Variants in SEMA5A observed in about 807,000 individuals in gnomAD.
The protein encoded by SEMA5A is semaphorin 5A.
A neutral mutation model predicts 135.5 loss-of-function variants in SEMA5A; 55 were observed. The observed-to-expected ratio is 0.41, with a 90% CI of 0.33 to 0.51. The LOEUF (loss-of-function observed/expected upper bound fraction) is 0.51. Ranked by LOEUF, SEMA5A falls within the 20% of genes least tolerant of loss-of-function variation. The pLI is 0.37. For missense variants in SEMA5A, 1,290 were observed against 1,419.9 expected (o/e 0.91, Z 1.47); for synonymous variants, 580 against 546.5 (o/e 1.06, Z -0.85).
Position 9,473,383 on chromosome 5 carries a change from T to TAAAAAAAAAA in SEMA5A, c.-174-35541_-174-35532dup, listed in dbSNP as rs58137756. On this transcript the variant is annotated intron_variant, in intron 1 of 22. Transcript: ENST00000382496. ...ATTGGCTGCATATGGCAATCAGTGG[T>TAAAAAAAAAA]AAAAAAAAAAAAAAAAAAAAAGACT... is the stretch of plus-strand genomic sequence containing the variant. Among the ~76,000 whole-genome samples, 75 of 79,692 alleles carry TAAAAAAAAAA rather than the reference T, an allele frequency of 9.4e-4. 4 individuals are homozygous for TAAAAAAAAAA. Among genetic ancestry groups the TAAAAAAAAAA allele is most frequent in the East Asian group, 4.2e-3 (9 of 2,130 alleles). 52.3% of individuals were successfully genotyped at this position (79,692 alleles called of 152,430 possible). A position where few individuals can be genotyped will look rare whatever the true frequency, so the allele number is the denominator to read the frequency against.
rs116175784 is a variant in SEMA5A, at chr5:9,464,004, C to T, written c.-174-26152G>A. Among the ~76,000 whole-genome samples, 611 of 152,210 alleles carry T rather than the reference C, an allele frequency of 4.0e-3. 8 individuals carry two copies. Among genetic ancestry groups the T allele is most frequent in the African/African-American group, 0.014 (591 of 41,506 alleles). On this transcript the variant is annotated intron_variant, in intron 1 of 22. Coordinates refer to ENST00000382496, the MANE Select transcript of SEMA5A (RefSeq NM_003966.3). The stretch of plus-strand genomic sequence containing the variant: ...TGCTGTATTCAGATTTTCTAAACCT[C>T]GACACTGTTGACATCTGGGGCCAGA...
At chr5:9,245,012 A>T (rs1320370243) in intron 5 of SEMA5A, among the ~76,000 whole-genome samples, 3 of 152,196 alleles carry the variant, frequency 2.0e-5, no homozygotes, top group African/African-American at 7.2e-5. Context: ...GCCTAATCTC[A>T]AACAAAAGGA....
chr5:9,480,383 T>A (rs1287347385), intron 1 of SEMA5A, among the ~76,000 whole-genome samples: 1 of 152,120 alleles, frequency 6.6e-6, no homozygotes, highest in Non-Finnish European at 1.5e-5. Context: ...TACAACTGAC[T>A]GGAGAATATT....
intron 16 of SEMA5A, among the ~76,000 whole-genome samples, chr5:9,100,433 G>T (rs1739563157): frequency 6.6e-6 from 1 of 152,112 alleles, no homozygotes; most frequent in Non-Finnish European, 1.5e-5. Flanking sequence ...GAGACTGCTG[G>T]GTTAGTGAAA....
chr5:9,068,451 G>A (rs1335005500), intron 16 of SEMA5A, among the ~76,000 whole-genome samples: 1 of 152,114 alleles, frequency 6.6e-6, no homozygotes, highest in African/African-American at 2.4e-5. Context: ...GGAGGAAGAG[G>A]GCAGAACTCT....
intron 3 of SEMA5A, among the ~76,000 whole-genome samples, chr5:9,361,555 T>C (rs1754697020): frequency 1.3e-5 from 2 of 152,190 alleles, no homozygotes; most frequent in African/African-American, 4.8e-5. Flanking sequence ...TGAGTTAATC[T>C]GTTCCTCCCT....
intron 5 of SEMA5A, among the ~76,000 whole-genome samples, chr5:9,300,493 T>C (rs925061364): frequency 3.3e-5 from 5 of 151,962 alleles, no homozygotes; most frequent in Admixed American, 1.3e-4. Context: ...AATACAGGAG[T>C]AGCCTTATGT....
Position 9,042,638 on chromosome 5 carries a change from C to T in SEMA5A, c.*259G>A. 2.5e-6 allele frequency: 1 copy of T among 404,210 alleles called. No individual in the cohort carries two copies. The highest frequency in any genetic ancestry group is 4.4e-6 in the Non-Finnish European group (1 of 227,196). The allele number at this position is 404,210 out of a possible 1,614,324, so 25.0% of individuals were successfully genotyped here. On this transcript the variant is annotated 3_prime_UTR_variant, in exon 23 of 23. Transcript: ENST00000382496. ...TCAAAAAACAAACCAATGGACTTGT[C>T]AGAAAAATAGGATGAACACAATTAA...
intron 3 of SEMA5A, among the ~76,000 whole-genome samples, chr5:9,343,837 G>T (rs1316150996): frequency 6.6e-6 from 1 of 152,054 alleles, no homozygotes; most frequent in Non-Finnish European, 1.5e-5. Context: ...CAACCACTCA[G>T]AACAAGGTAA....
chr5:9,359,097 A>G (rs1264417529), intron 3 of SEMA5A, among the ~76,000 whole-genome samples: 1 of 152,072 alleles, frequency 6.6e-6, no homozygotes, highest in Non-Finnish European at 1.5e-5. Flanking sequence ...AACCAGACAC[A>G]TACACACTCA....
At position 9,455,269 on chromosome 5, in the gene SEMA5A, T is replaced by TA. The variant is rs1561266876; in HGVS notation, c.-174-17418_-174-17417insT. Among the ~76,000 whole-genome samples the TA allele has an allele frequency of 6.2e-4, 94 of 151,422 alleles. 1 individual carries two copies. The Admixed American group carries it at 6.2e-3, about 10-fold the overall frequency. On this transcript the variant is annotated intron_variant, in intron 1 of 22. Transcript: ENST00000382496. ...ATTTTATTTATTTATTTTTTTTTTT[T>TA]TTTTGAGACAGAATCTCACTCTGTC...
At chr5:9,076,869 TG>T (rs1179741409) in intron 16 of SEMA5A, among the ~76,000 whole-genome samples, 1 of 45,584 alleles carries the variant, frequency 2.2e-5, no homozygotes, top group African/African-American at 1.2e-4. Context: ...TTACGATCTT[TG>T]TGTGTGTGTG....
At chr5:9,271,149 G>A (rs914407447) in intron 5 of SEMA5A, among the ~76,000 whole-genome samples, 3 of 152,016 alleles carry the variant, frequency 2.0e-5, no homozygotes, top group Admixed American at 2.0e-4. Flanking sequence ...CATGAGATCT[G>A]ATGGTTTAAA....
chr5:9,337,409 T>C (rs551078122), intron 4 of SEMA5A, among the ~76,000 whole-genome samples: 1 of 152,262 alleles, frequency 6.6e-6, no homozygotes, highest in Admixed American at 6.5e-5. Context: ...AGTTTCCACA[T>C]CTCTAAAACA....
At chr5:9,215,988 C>A (rs73046646) in intron 8 of SEMA5A, among the ~76,000 whole-genome samples, 3,317 of 152,156 alleles carry the variant, frequency 0.022, 133 homozygotes, top group African/African-American at 0.074. Context: ...TGATGCATAC[C>A]TGAGCTAGGA....
intron 15 of SEMA5A, among the ~76,000 whole-genome samples, chr5:9,110,823 G>T (rs987748398): frequency 6.6e-6 from 1 of 152,034 alleles, no homozygotes; most frequent in Non-Finnish European, 1.5e-5. Context: ...TCCTCTTTAG[G>T]TGGTAACTAT....
At chr5:9,238,687 A>T (rs1334093710) in intron 5 of SEMA5A, among the ~76,000 whole-genome samples, 2 of 150,788 alleles carry the variant, frequency 1.3e-5, no homozygotes, top group Non-Finnish European at 3.0e-5. Flanking sequence ...GCGCAAATTG[A>T]GGCACCTGGG....
At chr5:9,256,215 G>T (rs572395984) in intron 5 of SEMA5A, among the ~76,000 whole-genome samples, 1 of 151,974 alleles carries the variant, frequency 6.6e-6, no homozygotes, top group South Asian at 2.1e-4. Flanking sequence ...TAATACCTTC[G>T]AGTGGCTTGC....
At chr5:9,428,030 T>C (rs544048599) in intron 2 of SEMA5A, among the ~76,000 whole-genome samples, 4 of 151,712 alleles carry the variant, frequency 2.6e-5, no homozygotes, top group African/African-American at 9.7e-5. Context: ...TATCTTTCTG[T>C]TTATTCAACT....
Sources: gnomAD v4.1 joint callset for allele counts (sites outside exome capture counted in the v4.1 genomes callset) on GRCh38, gnomAD v4.1.1 for gene constraint, MANE v1.5 for transcripts, NCBI Gene and HGNC (gene_info 2026-07-23, HGNC 2026-07-21) for gene names.